Variants in RNASE10 observed in about 807,000 individuals in gnomAD.
The protein encoded by RNASE10 is ribonuclease A family member 10 (inactive), also known as inactive ribonuclease-like protein 10.
RNASE10 carries 2 observed loss-of-function variants against 1.1 expected under a neutral mutation model. The observed-to-expected ratio is 1.82, with a 90% CI of 0.74 to 5.73. The LOEUF (loss-of-function observed/expected upper bound fraction) is 5.73. Among genes scored for constraint, RNASE10 ranks in the 30% most tolerant of loss-of-function variants. RNASE10 has a pLI of 0.05. For synonymous variants in RNASE10, 97 were observed against 96.2 expected, an observed-to-expected ratio of 1.01 and a Z score of -0.05; for missense variants, 276 against 263.4, an observed-to-expected ratio of 1.05 and a Z score of -0.33.
rs376331275 is a variant in RNASE10 at position 20,510,622 on chromosome 14, G to C, written c.235G>C (p.Asp79His). 1.9e-6 allele frequency: 3 copies of C among 1,614,086 alleles called. No homozygotes were observed. In the African/African-American group the frequency reaches 4.0e-5, roughly 22 times the overall value. Reference sequence around the variant, plus strand: ...TGAATTTTGGTCCAGTGACTCACAGGACAAAGCTGAGGCCACTGAGGAGGG... The same window carrying C: ...TGAATTTTGGTCCAGTGACTCACAGCACAAAGCTGAGGCCACTGAGGAGGG... The change falls in exon 2 of 2, where the codon GAC (aspartate) becomes CAC (histidine). Residue 79 changes from aspartate (D) to histidine (H), a missense_variant. Transcript: ENST00000430083.
At chr14:20,509,768 G>C (rs1882847613) in intron 1 of RNASE10, among the ~76,000 whole-genome samples, 1 of 152,128 alleles carries the variant, frequency 6.6e-6, no homozygotes, top group South Asian at 2.1e-4. Flanking sequence ...AGGAGAGTGT[G>C]ACACTGTACA....
exon 2 of RNASE10, chr14:20,510,904 C>T (rs754454352): frequency 1.9e-6 from 3 of 1,614,134 alleles, no homozygotes; most frequent in Non-Finnish European, 2.5e-6. Context: ...CCATGAGGAT[C>T]TAAACACAGT....
exon 2 of RNASE10, chr14:20,510,826 T>G: frequency 6.2e-7 from 1 of 1,614,110 alleles, no homozygotes; most frequent in Non-Finnish European, 8.5e-7. Flanking sequence ...AGATAGAGAA[T>G]GCAATGATAT....
At chr14:20,511,285 T>C, downstream of RNASE10, 2 of 520,006 alleles carry the variant, frequency 3.8e-6, no homozygotes. Context: ...TTAGAGATGG[T>C]AGGATAAGGT....
At chr14:20,511,221 G>A (rs937572373), downstream of RNASE10, 83 of 1,012,610 alleles carry the variant, frequency 8.2e-5, no homozygotes, top group Middle Eastern at 2.6e-4. Flanking sequence ...GTATCATGCA[G>A]ATGGAATTCT....
chr14:20,512,477 TA>T (rs1411391189), downstream of RNASE10, among the ~76,000 whole-genome samples: 6 of 152,200 alleles, frequency 3.9e-5, no homozygotes, highest in African/African-American at 1.4e-4. Flanking sequence ...CCTAGACTAT[TA>T]TAGACCCAAG....
chr14:20,510,180 T>C (rs974514875), intron 1 of RNASE10, among the ~76,000 whole-genome samples: 2 of 151,570 alleles, frequency 1.3e-5, no homozygotes, highest in African/African-American at 4.9e-5. Flanking sequence ...ATTTCCCATA[T>C]GTAAATTACC....
At chr14:20,505,326 C>G (rs1313316906), upstream of RNASE10, among the ~76,000 whole-genome samples, 7 of 87,592 alleles carry the variant, frequency 8.0e-5, no homozygotes, top group African/African-American at 1.5e-4. Flanking sequence ...CTCCCTCTCC[C>G]TCCACGGTCT....
At chr14:20,505,082 G>A (rs965132543), upstream of RNASE10, among the ~76,000 whole-genome samples, 3 of 151,788 alleles carry the variant, frequency 2.0e-5, no homozygotes, top group Admixed American at 6.6e-5. Flanking sequence ...CTTGATCTGC[G>A]GTTCTACAAG....
exon 2 of RNASE10, chr14:20,510,897 T>C (rs1398244181): frequency 1.2e-6 from 2 of 1,613,992 alleles, no homozygotes; most frequent in Non-Finnish European, 1.7e-6. Context: ...CATTCATCCA[T>C]GAGGATCTAA....
chr14:20,506,645 C>T (rs1882731845), intron 1 of RNASE10, among the ~76,000 whole-genome samples: 1 of 104,422 alleles, frequency 9.6e-6, no homozygotes, highest in African/African-American at 4.5e-5. Context: ...CCTGGCCAGC[C>T]GCCCAGTCCA....
At chr14:20,508,839 A>G (rs1248811769) in intron 1 of RNASE10, among the ~76,000 whole-genome samples, 3 of 152,222 alleles carry the variant, frequency 2.0e-5, no homozygotes, top group Non-Finnish European at 4.4e-5. Context: ...TAGGAAGAGA[A>G]CAGTACATAT....
intron 1 of RNASE10, 172 bp from the exon 2 acceptor site, chr14:20,510,295 A>G (rs558787830): frequency 1.6e-5 from 8 of 498,366 alleles, no homozygotes; most frequent in East Asian, 3.0e-4. Flanking sequence ...AGGGAGGAAC[A>G]AGAGAAATGG....
intron 1 of RNASE10, among the ~76,000 whole-genome samples, chr14:20,509,196 C>T (rs755068902): frequency 2.6e-5 from 4 of 152,206 alleles, no homozygotes; most frequent in South Asian, 2.1e-4. Context: ...ACTACTGGTG[C>T]GTGGCACCAT....
intron 1 of RNASE10, among the ~76,000 whole-genome samples, chr14:20,506,721 T>G (rs1429974043): frequency 2.6e-4 from 21 of 80,926 alleles, no homozygotes; most frequent in Non-Finnish European, 4.3e-4. Flanking sequence ...GGTGGGGGGG[T>G]CAGCCCCCCG....
At chr14:20,504,893 C>T (rs1342476650), upstream of RNASE10, among the ~76,000 whole-genome samples, 5 of 151,908 alleles carry the variant, frequency 3.3e-5, no homozygotes, top group African/African-American at 4.8e-5. Flanking sequence ...AGGACAGCAG[C>T]GGAGAGGAGC....
At chr14:20,513,538 G>C (rs1882946645), downstream of RNASE10, among the ~76,000 whole-genome samples, 1 of 152,116 alleles carries the variant, frequency 6.6e-6, no homozygotes, top group South Asian at 2.1e-4. Context: ...AATCTCTGAA[G>C]CTCTGAAAAT....
At chr14:20,510,985 C>T in exon 2 of RNASE10, 1 of 1,601,948 alleles carries the variant, frequency 6.2e-7, no homozygotes, top group Non-Finnish European at 8.5e-7. Flanking sequence ...AAGCTCCCGA[C>T]CTTTTGATTT....
At chr14:20,506,216 C>G (rs1882709047) in intron 1 of RNASE10, among the ~76,000 whole-genome samples, 197 bp downstream of exon 1, 4 of 137,774 alleles carry the variant, frequency 2.9e-5, no homozygotes, top group African/African-American at 8.0e-5. Flanking sequence ...GGCCAGCCGC[C>G]CCGTCCGGGA....
Sources: gnomAD v4.1 joint callset for allele counts (sites outside exome capture counted in the v4.1 genomes callset) on GRCh38, gnomAD v4.1.1 for gene constraint, MANE v1.5 for transcripts, NCBI Gene and HGNC (gene_info 2026-07-23, HGNC 2026-07-21) for gene names.